Variants in DLG2 observed in about 807,000 individuals in gnomAD.
DLG2 encodes the protein discs large MAGUK scaffold protein 2.
DLG2 carries 45 observed loss-of-function variants against 132.5 expected under a neutral mutation model. The observed-to-expected ratio is 0.34, with a 90% confidence interval of 0.27 to 0.44. The LOEUF (loss-of-function observed/expected upper bound fraction) is 0.44, where lower values mean the gene tolerates loss of function less well. DLG2 is among the 20% of genes least tolerant of loss of function. DLG2 has a pLI of 1.00. For synonymous variants in DLG2, 424 were observed against 419.6 expected, an observed-to-expected ratio of 1.01 and a Z score of -0.13; for missense variants, 1,045 against 1,196.9, an observed-to-expected ratio of 0.87 and a Z score of 1.87.
At chr11:83,665,348 G>A (rs1343389373) in intron 18 of DLG2, among the ~76,000 whole-genome samples, 1 of 152,184 alleles carries the variant, frequency 6.6e-6, no homozygotes, top group Non-Finnish European at 1.5e-5. Context: ...AGGCAATGGA[G>A]ATACGACAGT....
At chr11:83,501,821 T>C (rs897906102) in intron 21 of DLG2, among the ~76,000 whole-genome samples, 3 of 152,176 alleles carry the variant, frequency 2.0e-5, no homozygotes, top group Admixed American at 6.5e-5. Flanking sequence ...TAAGTACATA[T>C]CACCACATTA....
At chr11:85,160,263 G>A (rs1161775409) in intron 4 of DLG2, among the ~76,000 whole-genome samples, 1 of 152,152 alleles carries the variant, frequency 6.6e-6, no homozygotes, top group Non-Finnish European at 1.5e-5. Context: ...TCTGCAACAG[G>A]TCCAGGCTGC....
At chr11:83,984,221 GATAGAT>G (rs779101791) in intron 11 of DLG2, among the ~76,000 whole-genome samples, 2,677 of 148,322 alleles carry the variant, frequency 0.018, 92 homozygotes, top group African/African-American at 0.064. Context: ...TAGATAGATA[GATAGAT>G]AGATAGATAA....
At chr11:85,415,231 T>C (rs2089719123) in intron 3 of DLG2, among the ~76,000 whole-genome samples, 1 of 152,246 alleles carries the variant, frequency 6.6e-6, no homozygotes, top group Non-Finnish European at 1.5e-5. Flanking sequence ...GGCATATATG[T>C]GCCACATTTT....
intron 5 of DLG2, among the ~76,000 whole-genome samples, chr11:85,141,641 C>G (rs1246245507): frequency 6.6e-6 from 1 of 151,810 alleles, no homozygotes; most frequent in Admixed American, 6.6e-5. Context: ...GACCAATGTC[C>G]TAGAGAGTTT....
At chr11:84,199,861 G>A (rs2096569220) in intron 8 of DLG2, among the ~76,000 whole-genome samples, 1 of 151,996 alleles carries the variant, frequency 6.6e-6, no homozygotes, top group South Asian at 2.1e-4. Flanking sequence ...AAGAAAAAGT[G>A]GGAAAGACAA....
At chr11:84,299,243 G>T (rs1412069303) in intron 7 of DLG2, among the ~76,000 whole-genome samples, 1 of 152,138 alleles carries the variant, frequency 6.6e-6, no homozygotes, top group Non-Finnish European at 1.5e-5. Context: ...TAAATGATTT[G>T]AAGTTGTTAA....
At chr11:84,092,473 T>C (rs1378259098) in intron 10 of DLG2, among the ~76,000 whole-genome samples, 2 of 152,332 alleles carry the variant, frequency 1.3e-5, no homozygotes, top group Non-Finnish European at 2.9e-5. Flanking sequence ...CAAAGTCACA[T>C]AGCTAGGAAG....
At position 85,413,097 on chromosome 11, in the gene DLG2, G is replaced by T. The variant is rs576282838; in HGVS notation, c.41-127732C>A. 3.4e-4 allele frequency among the ~76,000 whole-genome samples: 52 copies of T among 151,712 alleles called. 1 individual carries two copies. The South Asian group carries it at 0.01, about 30-fold the overall frequency. On this transcript the variant is annotated intron_variant, in intron 3 of 27. Coordinates refer to ENST00000376104, the MANE Select transcript of DLG2 (RefSeq NM_001142699.3). ...CTACCATTTTTTGATTTTTTATTGT[G>T]GCCATTCTTGCACGAGTAAGGTGGT...
chr11:85,510,202 G>C (rs972148850), intron 3 of DLG2, among the ~76,000 whole-genome samples: 1 of 151,930 alleles, frequency 6.6e-6, no homozygotes, highest in Non-Finnish European at 1.5e-5. Flanking sequence ...GAAGTGATTG[G>C]TTAAGAAAAG....
At position 83,717,652 on chromosome 11, in the gene DLG2, A is replaced by G. The variant is rs186557289; in HGVS notation, c.1825+69038T>C. 3.4e-4 allele frequency among the ~76,000 whole-genome samples: 52 copies of G among 152,350 alleles called. No individual in the cohort carries two copies. The East Asian group carries it at 9.8e-3, about 29-fold the overall frequency. ...GTCTGTAAAAACACAGGGGGAAAAA[A>G]GTACAGAAAAACTCATGGCCTGTTT... On this transcript the variant is annotated intron_variant, in intron 18 of 27. Transcript: ENST00000376104.
intron 5 of DLG2, among the ~76,000 whole-genome samples, chr11:85,141,744 T>C (rs72961536): frequency 0.025 from 3,844 of 151,876 alleles, 79 homozygotes; most frequent in East Asian, 0.095. Flanking sequence ...TGGTGAGATA[T>C]AGGGTTGTAG....
At chr11:84,163,669 CAT>C (rs1244958257) in intron 8 of DLG2, among the ~76,000 whole-genome samples, 158 bp from the exon 9 acceptor site, 1 of 152,026 alleles carries the variant, frequency 6.6e-6, no homozygotes, top group East Asian at 1.9e-4. Flanking sequence ...TCAAGTGAAA[CAT>C]AATCTATGCT....
At chr11:84,859,423 T>C (rs570635966) in intron 6 of DLG2, among the ~76,000 whole-genome samples, 58 of 145,378 alleles carry the variant, frequency 4.0e-4, no homozygotes, top group Non-Finnish European at 5.5e-4. Context: ...TATGTATACA[T>C]ATACATATAT....
At chr11:85,421,348 G>A (rs977415768) in intron 3 of DLG2, among the ~76,000 whole-genome samples, 13 of 151,940 alleles carry the variant, frequency 8.6e-5, no homozygotes, top group South Asian at 6.3e-4. Flanking sequence ...CCCCTCCTGC[G>A]TTGATCTCGC....
intron 6 of DLG2, among the ~76,000 whole-genome samples, chr11:84,876,625 A>G (rs532967940): frequency 3.9e-5 from 6 of 152,198 alleles, no homozygotes; most frequent in South Asian, 2.1e-4. Context: ...AATCTTTTCA[A>G]AAAAACAGCT....
At chr11:83,786,357 T>G (rs1407045996) in intron 18 of DLG2, 1 of 211,796 alleles carries the variant, frequency 4.7e-6, no homozygotes, top group Non-Finnish European at 9.7e-6. Flanking sequence ...CTCTCCCTTT[T>G]GCTTCTTAAG....
intron 11 of DLG2, among the ~76,000 whole-genome samples, chr11:84,007,824 G>T (rs1259832070): frequency 1.3e-5 from 2 of 151,740 alleles, no homozygotes; most frequent in African/African-American, 2.4e-5. Flanking sequence ...TCAGGAAAAT[G>T]ATATCAAGGA....
intron 7 of DLG2, among the ~76,000 whole-genome samples, chr11:84,260,068 A>C (rs748067790): frequency 1.5e-4 from 23 of 152,194 alleles, no homozygotes; most frequent in Non-Finnish European, 7.3e-5. Flanking sequence ...CAAAGTAGTA[A>C]AATATTTTGC....
Sources: allele counts gnomAD v4.1 joint callset (sites outside exome capture counted in the v4.1 genomes callset), GRCh38; gene constraint gnomAD v4.1.1; transcripts MANE v1.5; gene names NCBI Gene and HGNC (gene_info 2026-07-23, HGNC 2026-07-21).